Variants in ESRRB observed in about 807,000 individuals in gnomAD.
ESRRB encodes the protein estrogen related receptor beta, also known as steroid hormone receptor ERR2.
A neutral mutation model predicts 46.0 loss-of-function variants in ESRRB; 16 were observed. The ratio of observed to expected loss-of-function variants is 0.35; its 90% confidence interval spans 0.24 to 0.53. ESRRB has a LOEUF of 0.53. Among genes scored for constraint, ESRRB ranks in the 20% least tolerant of loss-of-function variants. ESRRB has a pLI of 0.93. For missense variants in ESRRB, 488 were observed against 607.4 expected, an observed-to-expected ratio of 0.80 and a Z score of 2.07; for synonymous variants, 246 against 259.6, an observed-to-expected ratio of 0.95 and a Z score of 0.50.
At chr14:76,324,306 C>A (rs984619920) in intron 1 of ESRRB, among the ~76,000 whole-genome samples, 2 of 152,146 alleles carry the variant, frequency 1.3e-5, no homozygotes, top group African/African-American at 4.8e-5. Context: ...GCTGCCCCGG[C>A]AGGGAGGGAG....
In ESRRB at chr14:76,318,248, G is replaced by A. The variant is rs546988589; in HGVS notation, c.2+7332G>A. ...GGTTTGCTAAAAGTCCTTTAGCAGA[G>A]TTGGAAGCGAGGAGCACAGTTGAGG... On this transcript the variant is annotated intron_variant, in intron 1 of 6. Coordinates refer to the ESRRB transcript ENST00000512784. Among the ~76,000 whole-genome samples, 3 of 152,312 alleles carry A rather than the reference G, an allele frequency of 2.0e-5. No homozygotes were observed. The South Asian group carries it at 6.2e-4, about 32-fold the overall frequency.
At chr14:76,444,657 G>A (rs570083498) in intron 2 of ESRRB, among the ~76,000 whole-genome samples, 10 of 152,256 alleles carry the variant, frequency 6.6e-5, no homozygotes, top group African/African-American at 2.2e-4. Context: ...GAGTGCTTAG[G>A]ATTAGAGGGA....
chr14:76,500,890 T>A lies in ESRRB; in HGVS notation c.*2432T>A. 6 of 707,252 alleles carry A rather than the reference T, an allele frequency of 8.5e-6. No individual in the cohort carries two copies. The highest frequency in any genetic ancestry group is 1.5e-5 in the Non-Finnish European group (6 of 391,914). The allele number at this position is 707,252 out of a possible 1,614,324, so 43.8% of individuals were successfully genotyped here. On this transcript the variant is annotated 3_prime_UTR_variant, in exon 7 of 7. Coordinates refer to ENST00000644823, the MANE Select transcript of ESRRB (RefSeq NM_001379180.1). ...GCTGCTTTTATACTTAAAACTCAGA[T>A]CACAACAGGAAATGTGTCAGTAACA...
upstream of ESRRB, among the ~76,000 whole-genome samples, chr14:76,368,635 G>A (rs1205150326): frequency 6.6e-6 from 1 of 152,064 alleles, no homozygotes; most frequent in Non-Finnish European, 1.5e-5. Flanking sequence ...TTCCCTTGCT[G>A]CTTTGTCTTG....
At chr14:76,451,345 G>T (rs927758122) in intron 2 of ESRRB, among the ~76,000 whole-genome samples, 1 of 152,314 alleles carries the variant, frequency 6.6e-6, no homozygotes, top group Middle Eastern at 3.4e-3. Context: ...CTTAATGTCC[G>T]TATCAGTAAA....
chr14:76,345,024 A>G (rs562928663), intron 1 of ESRRB, among the ~76,000 whole-genome samples: 1 of 152,304 alleles, frequency 6.6e-6, no homozygotes, highest in Non-Finnish European at 1.5e-5. Flanking sequence ...TTGTGCTACT[A>G]TAAACATGAA....
At chr14:76,314,084 G>A (rs1488867721) in intron 1 of ESRRB, among the ~76,000 whole-genome samples, 3 of 152,132 alleles carry the variant, frequency 2.0e-5, no homozygotes, top group Non-Finnish European at 4.4e-5. Flanking sequence ...CCAAAAGCAG[G>A]GTTTCTGCAG....
intron 1 of ESRRB, among the ~76,000 whole-genome samples, chr14:76,421,275 C>T (rs1886942312): frequency 1.3e-5 from 2 of 152,148 alleles, no homozygotes; most frequent in South Asian, 4.1e-4. Flanking sequence ...ACATTGGCAT[C>T]AGGATGGCTT....
chr14:76,345,217 TG>T lies in ESRRB; in HGVS notation c.2+34302del, dbSNP rs529010365. On this transcript the variant is annotated intron_variant, in intron 1 of 6. Transcript: ENST00000512784. ...GGACCTAACTAAACTAAAGAGCTTT[TG>T]CACAGTAAAAGGAACAGTCAGCAGA... is the stretch of plus-strand genomic sequence containing the variant. 3.7e-3 allele frequency among the ~76,000 whole-genome samples: 560 copies of T among 152,312 alleles called. 10 individuals carry two copies. The highest frequency in any genetic ancestry group is 0.013 in the African/African-American group (544 of 41,562).
At chr14:76,477,722 A>T (rs1889637832) in intron 3 of ESRRB, among the ~76,000 whole-genome samples, 1 of 151,654 alleles carries the variant, frequency 6.6e-6, no homozygotes, top group East Asian at 2.0e-4. Flanking sequence ...TTTGTGCATA[A>T]TTAAACCCAA....
At chr14:76,473,147 T>G (rs1459527098) in intron 3 of ESRRB, among the ~76,000 whole-genome samples, 3 of 152,214 alleles carry the variant, frequency 2.0e-5, no homozygotes, top group African/African-American at 7.2e-5. Flanking sequence ...CTTGGATGTG[T>G]GATCCTGAAC....
intron 1 of ESRRB, among the ~76,000 whole-genome samples, chr14:76,343,334 C>G (rs538611089): frequency 6.0e-4 from 91 of 152,298 alleles, no homozygotes; most frequent in African/African-American, 1.7e-3. Flanking sequence ...TGGCATGATG[C>G]CAATCAGTGT....
chr14:76,386,331 A>C (rs1885226023), intron 1 of ESRRB, among the ~76,000 whole-genome samples: 2 of 152,196 alleles, frequency 1.3e-5, no homozygotes, highest in Non-Finnish European at 1.5e-5. Flanking sequence ...TGCTTGTTAA[A>C]TCTGGCAACC....
intron 1 of ESRRB, among the ~76,000 whole-genome samples, chr14:76,323,100 T>A (rs1187982732): frequency 6.6e-6 from 1 of 152,114 alleles, no homozygotes; most frequent in East Asian, 1.9e-4. Flanking sequence ...TGTTTAGAAG[T>A]CCCTGATGTG....
intron 1 of ESRRB, among the ~76,000 whole-genome samples, chr14:76,330,311 C>G (rs968880271): frequency 1.3e-5 from 2 of 152,198 alleles, no homozygotes; most frequent in Admixed American, 6.5e-5. Context: ...ATCCCACGAA[C>G]TCCTGGACCT....
intron 1 of ESRRB, among the ~76,000 whole-genome samples, chr14:76,422,314 G>A (rs60036048): frequency 0.19 from 28,437 of 149,392 alleles, 2,793 homozygotes; most frequent in Admixed American, 0.26. Flanking sequence ...GGGTTCAAGC[G>A]ATTCTCCTGC....
intron 1 of ESRRB, among the ~76,000 whole-genome samples, chr14:76,391,602 C>T (rs1272451390): frequency 6.6e-6 from 1 of 152,266 alleles, no homozygotes; most frequent in African/African-American, 2.4e-5. Context: ...TCCTTCCCAC[C>T]TCACTATGGG....
intron 1 of ESRRB, among the ~76,000 whole-genome samples, chr14:76,327,487 AATGATG>A (rs10543425): frequency 7.3e-5 from 11 of 150,632 alleles, no homozygotes; most frequent in African/African-American, 1.7e-4. Context: ...TGATGATGAT[AATGATG>A]ATGATGATGA....
upstream of ESRRB, among the ~76,000 whole-genome samples, chr14:76,370,322 C>T (rs921143057): frequency 6.6e-6 from 1 of 151,460 alleles, no homozygotes; most frequent in Non-Finnish European, 1.5e-5. Flanking sequence ...TACTTGAACT[C>T]GGGAGACGGA....
Sources: allele counts gnomAD v4.1 joint callset (sites outside exome capture counted in the v4.1 genomes callset), GRCh38; gene constraint gnomAD v4.1.1; transcripts MANE v1.5; gene names NCBI Gene and HGNC (gene_info 2026-07-23, HGNC 2026-07-21).